GATA4: variants seen among roughly 807,000 people sequenced by gnomAD.
The protein encoded by GATA4 is transcription factor GATA-4.
Under a neutral mutation model 37.9 loss-of-function variants are expected in GATA4, and 7 were observed. That is an observed-to-expected ratio of 0.18 (90% CI 0.11 to 0.35). The LOEUF (loss-of-function observed/expected upper bound fraction) is 0.35. GATA4 is among the 10% of genes least tolerant of loss of function. GATA4 has a pLI of 1.00. For missense variants in GATA4, 647 were observed against 653.0 expected, an observed-to-expected ratio of 0.99 and a Z score of 0.10; for synonymous variants, 372 against 292.6, an observed-to-expected ratio of 1.27 and a Z score of -2.77.
chr8:11,753,344 T>C (rs59431377), intron 4 of GATA4, among the ~76,000 whole-genome samples: 39,577 of 151,908 alleles, frequency 0.26, 7,367 homozygotes, highest in African/African-American at 0.53. Flanking sequence ...TTAATGGGTA[T>C]GGAGTTTGAG....
chr8:11,735,865 C>T (rs898155381), intron 2 of GATA4, among the ~76,000 whole-genome samples: 7 of 151,984 alleles, frequency 4.6e-5, no homozygotes, highest in Admixed American at 6.6e-5. Flanking sequence ...CTAGCTGAGA[C>T]CTTTTGTTTC....
chr8:11,732,668 T>G (rs1282480138), intron 2 of GATA4, among the ~76,000 whole-genome samples: 1 of 152,134 alleles, frequency 6.6e-6, no homozygotes. Flanking sequence ...CCGACGGAAT[T>G]TGAGGAGGAT....
rs542230660 is a variant in GATA4, at chr8:11,684,087, G to A, written c.-274+7024G>A. ...GCCATAACTGGCTGGCCACGACCTG[G>A]GCTGTGCCATGGCTCCCTTCAGCCT... is the stretch of plus-strand genomic sequence containing the variant. On this transcript the variant is annotated intron_variant, in intron 1 of 6. Transcript: ENST00000528712. Among the ~76,000 whole-genome samples the A allele has an allele frequency of 1.8e-4, 27 of 152,336 alleles. No individual in the cohort carries two copies. In the East Asian group the frequency reaches 5.2e-3, roughly 29 times the overall value.
chr8:11,693,554 C>G (rs966956767), intron 1 of GATA4, among the ~76,000 whole-genome samples: 2,390 of 112,036 alleles, frequency 0.021, 31 homozygotes, highest in Middle Eastern at 0.045. Flanking sequence ...CACACACACA[C>G]ACACACACAG....
At chr8:11,678,215 G>C (rs1798844494) in intron 1 of GATA4, among the ~76,000 whole-genome samples, 1 of 152,000 alleles carries the variant, frequency 6.6e-6, no homozygotes, top group African/African-American at 2.4e-5. Flanking sequence ...TCACTCTGTA[G>C]CCTCAGGAGG....
At chr8:11,702,711 C>T (rs1209692328), upstream of GATA4, among the ~76,000 whole-genome samples, 1 of 151,992 alleles carries the variant, frequency 6.6e-6, no homozygotes, top group Non-Finnish European at 1.5e-5. The surrounding 1 kb of genome is among the most constrained non-coding windows in gnomAD (Gnocchi z 4.4). Context: ...CTAAGTGTGT[C>T]GCCCCCAGCT....
intron 1 of GATA4, among the ~76,000 whole-genome samples, chr8:11,695,188 C>T (rs1799467930): frequency 6.6e-6 from 1 of 152,124 alleles, no homozygotes. Flanking sequence ...GGTGGATCAC[C>T]TGAGGCTGGG....
intron 1 of GATA4, chr8:11,697,594 C>G: frequency 1.0e-6 from 1 of 985,442 alleles, no homozygotes; most frequent in Non-Finnish European, 1.2e-6. Flanking sequence ...GGGTCCTCGC[C>G]TGCGCCGAGG....
chr8:11,740,340 G>C (rs1416782036), intron 2 of GATA4, among the ~76,000 whole-genome samples: 1 of 152,194 alleles, frequency 6.6e-6, no homozygotes, highest in East Asian at 1.9e-4. Flanking sequence ...TGAAGACTGT[G>C]CTTTCAGAAT....
intron 1 of GATA4, among the ~76,000 whole-genome samples, chr8:11,698,730 TC>T (rs1197457319): frequency 2.0e-5 from 3 of 152,172 alleles, no homozygotes; most frequent in Non-Finnish European, 4.4e-5. Flanking sequence ...CTGGCCAGGT[TC>T]CCAGCTCAAC....
chr8:11,729,115 C>G (rs774746132), intron 2 of GATA4, among the ~76,000 whole-genome samples: 2 of 152,088 alleles, frequency 1.3e-5, no homozygotes, highest in African/African-American at 2.4e-5. Context: ...TGCCTATAAT[C>G]CCAACTACTC....
At chr8:11,697,645 C>T (rs567575796) in intron 1 of GATA4, 1 of 985,350 alleles carries the variant, frequency 1.0e-6, no homozygotes, top group African/African-American at 1.7e-5. Context: ...CACAGCCCCC[C>T]TTTCAGAGGA....
At chr8:11,710,722 T>TCCAGG (rs1423614112) in intron 2 of GATA4, among the ~76,000 whole-genome samples, 3 of 135,380 alleles carry the variant, frequency 2.2e-5, no homozygotes, top group Non-Finnish European at 4.7e-5. Context: ...AAAGGACTGG[T>TCCAGG]CCAGGGAGAG....
intron 2 of GATA4, among the ~76,000 whole-genome samples, chr8:11,748,048 G>A (rs369096141): frequency 7.3e-4 from 111 of 152,144 alleles, no homozygotes; most frequent in Admixed American, 1.2e-3. Context: ...ATGAAACCCC[G>A]TCTCTACTAA....
At chr8:11,723,457 G>C (rs981366285) in intron 2 of GATA4, among the ~76,000 whole-genome samples, 1 of 152,114 alleles carries the variant, frequency 6.6e-6, no homozygotes, top group Non-Finnish European at 1.5e-5. Flanking sequence ...TGCTTAAACT[G>C]AGCTCTTTTG....
intron 2 of GATA4, among the ~76,000 whole-genome samples, chr8:11,722,529 G>C (rs1242309840): frequency 1.3e-5 from 2 of 152,208 alleles, no homozygotes; most frequent in Non-Finnish European, 1.5e-5. Flanking sequence ...AGCATTGCCT[G>C]TGTTATGCCT....
intron 2 of GATA4, among the ~76,000 whole-genome samples, chr8:11,743,160 G>A (rs1022103992): frequency 3.9e-5 from 6 of 152,262 alleles, no homozygotes; most frequent in African/African-American, 7.2e-5. Context: ...CCACTGTGAG[G>A]CCCAGGCCCA....
At chr8:11,715,395 T>C (rs1380623711) in intron 2 of GATA4, among the ~76,000 whole-genome samples, 1 of 152,196 alleles carries the variant, frequency 6.6e-6, no homozygotes. Flanking sequence ...ATTAATCCAT[T>C]TAATAACAAG....
At chr8:11,716,907 C>G (rs1456610010) in intron 2 of GATA4, among the ~76,000 whole-genome samples, 1 of 152,216 alleles carries the variant, frequency 6.6e-6, no homozygotes, top group African/African-American at 2.4e-5. Flanking sequence ...AGGAAGTATG[C>G]TAGTTTTCCT....
Sources: gnomAD v4.1 joint callset for allele counts (sites outside exome capture counted in the v4.1 genomes callset) on GRCh38, gnomAD v4.1.1 for gene constraint, Gnocchi (gnomAD v3.1) non-coding constraint, MANE v1.5 for transcripts, NCBI Gene and HGNC (gene_info 2026-07-23, HGNC 2026-07-21) for gene names.